FRMD4A: variants seen among roughly 807,000 people sequenced by gnomAD.
FRMD4A encodes FERM domain-containing protein 4A.
Under a neutral mutation model 129.1 loss-of-function variants are expected in FRMD4A, and 29 were observed. The ratio of observed to expected loss-of-function variants is 0.22; its 90% CI spans 0.17 to 0.31. The LOEUF is 0.31. Ranked by LOEUF, FRMD4A falls within the 10% of genes least tolerant of loss-of-function variation. The pLI is 1.00. For synonymous variants in FRMD4A, 634 were observed against 571.6 expected, an observed-to-expected ratio of 1.11 and a Z score of -1.56; for missense variants, 1,272 against 1,375.8, an observed-to-expected ratio of 0.92 and a Z score of 1.19.
chr10:14,020,149 T>A (rs561943594), intron 2 of FRMD4A, among the ~76,000 whole-genome samples: 2 of 152,330 alleles, frequency 1.3e-5, no homozygotes, highest in South Asian at 4.1e-4. Flanking sequence ...TTGGCATTGG[T>A]GCAGGATCCT....
chr10:14,306,505 G>T (rs770859579), intron 2 of FRMD4A, among the ~76,000 whole-genome samples: 1 of 152,144 alleles, frequency 6.6e-6, no homozygotes, highest in Non-Finnish European at 1.5e-5. Flanking sequence ...CTCGTTTCAA[G>T]GTTATAGACA....
Position 14,103,639 on chromosome 10 carries a change from T to C in FRMD4A, c.45+226419A>G, listed in dbSNP as rs570060065. ...TTATTATGTGAAGCTGAATGTAAAATGAACTGATATCATTAGTGTATTTAT... is the reference window on the plus strand; with the variant it reads ...TTATTATGTGAAGCTGAATGTAAAACGAACTGATATCATTAGTGTATTTAT... On this transcript the variant is annotated intron_variant, in intron 2 of 24. Coordinates refer to ENST00000357447, the MANE Select transcript of FRMD4A (RefSeq NM_018027.5). Among the ~76,000 whole-genome samples the C allele has an allele frequency of 1.4e-4, 22 of 152,332 alleles. No individual in the cohort carries two copies. In the South Asian group the frequency reaches 1.7e-3, roughly 11 times the overall value.
chr10:14,208,322 C>G (rs1842843577), intron 2 of FRMD4A, among the ~76,000 whole-genome samples: 1 of 152,178 alleles, frequency 6.6e-6, no homozygotes, highest in Admixed American at 6.5e-5. Context: ...GTGTGTTGTT[C>G]AGGGTGCCAA....
chr10:13,921,335 C>T (rs930138137), intron 2 of FRMD4A, among the ~76,000 whole-genome samples: 2 of 149,984 alleles, frequency 1.3e-5, no homozygotes, highest in African/African-American at 2.5e-5. Flanking sequence ...AATCATGACT[C>T]ACTGAAGACT....
intron 2 of FRMD4A, among the ~76,000 whole-genome samples, chr10:14,243,816 A>G (rs540485112): frequency 1.5e-5 from 2 of 133,758 alleles, no homozygotes; most frequent in South Asian, 5.6e-4. Flanking sequence ...TTTGTTATGT[A>G]TATATTACCA....
intron 4 of FRMD4A, among the ~76,000 whole-genome samples, chr10:13,799,823 G>A (rs997779348): frequency 2.0e-5 from 3 of 152,068 alleles, no homozygotes; most frequent in African/African-American, 7.2e-5. Context: ...CTTCTCCAGG[G>A]CTTCTGGTGT....
At chr10:13,986,237 G>A (rs1373430868) in intron 2 of FRMD4A, among the ~76,000 whole-genome samples, 2 of 151,642 alleles carry the variant, frequency 1.3e-5, no homozygotes, top group Admixed American at 6.6e-5. Flanking sequence ...GCAAAGACTT[G>A]GAACCAACCC....
intron 2 of FRMD4A, among the ~76,000 whole-genome samples, chr10:14,162,722 C>G (rs1268737613): frequency 7.0e-6 from 1 of 143,846 alleles, no homozygotes; most frequent in Non-Finnish European, 1.5e-5. Context: ...AACTGGATTC[C>G]TGTTGGGATT....
At chr10:14,191,468 C>T (rs1842314566) in intron 2 of FRMD4A, among the ~76,000 whole-genome samples, 1 of 152,182 alleles carries the variant, frequency 6.6e-6, no homozygotes, top group African/African-American at 2.4e-5. Context: ...AATAAAAGTC[C>T]TGTCTCATGA....
intron 2 of FRMD4A, among the ~76,000 whole-genome samples, chr10:13,932,277 C>T (rs1030141508): frequency 2.6e-5 from 4 of 152,170 alleles, no homozygotes; most frequent in Admixed American, 2.0e-4. Flanking sequence ...TGAATGAGTG[C>T]TTTAATGTTA....
chr10:14,054,256 G>A (rs751647674), intron 2 of FRMD4A, among the ~76,000 whole-genome samples: 1 of 152,090 alleles, frequency 6.6e-6, no homozygotes, highest in African/African-American at 2.4e-5. Context: ...CTTTGTCTCT[G>A]GCCTTTGTAT....
chr10:14,027,412 G>C (rs141626902), intron 2 of FRMD4A, among the ~76,000 whole-genome samples: 7 of 152,148 alleles, frequency 4.6e-5, no homozygotes. Flanking sequence ...AGGCCGAGGC[G>C]GGTGGACAGC....
chr10:13,741,064 T>G (rs2090972708), intron 9 of FRMD4A, among the ~76,000 whole-genome samples: 1 of 152,078 alleles, frequency 6.6e-6, no homozygotes, highest in Non-Finnish European at 1.5e-5. Context: ...TAACCTCAAG[T>G]GATCCACCCA....
chr10:13,668,383 G>T (rs749565333), intron 17 of FRMD4A: 1 of 152,198 alleles, frequency 6.6e-6, no homozygotes, highest in Non-Finnish European at 1.5e-5. Context: ...TTTGTGGGGA[G>T]CCCAGGACAA....
At chr10:14,256,196 G>GA (rs1450832288) in intron 2 of FRMD4A, among the ~76,000 whole-genome samples, 1 of 151,902 alleles carries the variant, frequency 6.6e-6, no homozygotes, top group Admixed American at 6.6e-5. Context: ...GGCAATAATT[G>GA]AAAAATATCT....
Position 13,782,914 on chromosome 10 carries a change from G to C in FRMD4A, c.384+8C>G. On this transcript the variant is annotated splice_region_variant and intron_variant, in intron 6 of 24. Transcript: ENST00000357447. ...TCAGAGGGAAATTGAGGGAGAGGGAGTTCCTACCTTGTAGATGCAGGACTT... is the reference window on the plus strand; with the variant it reads ...TCAGAGGGAAATTGAGGGAGAGGGACTTCCTACCTTGTAGATGCAGGACTT... 8.0e-7 allele frequency: 1 copy of C among 1,242,470 alleles called. No individual in the cohort carries two copies. Among genetic ancestry groups the C allele is most frequent in the Non-Finnish European group, 1.2e-6 (1 of 840,284 alleles). The allele number at this position is 1,242,470 out of a possible 1,614,324, so 77.0% of individuals were successfully genotyped here. A position where few individuals can be genotyped will look rare whatever the true frequency, so the allele number is the denominator to read the frequency against.
chr10:13,870,048 T>A (rs973153340), intron 2 of FRMD4A, among the ~76,000 whole-genome samples: 5 of 152,160 alleles, frequency 3.3e-5, no homozygotes, highest in Non-Finnish European at 7.3e-5. Flanking sequence ...GGGAAGGGAA[T>A]AGAGCCTAAT....
At chr10:14,095,594 C>T (rs763890465) in intron 2 of FRMD4A, among the ~76,000 whole-genome samples, 1 of 152,244 alleles carries the variant, frequency 6.6e-6, no homozygotes, top group Non-Finnish European at 1.5e-5. Flanking sequence ...TCAACCTTAG[C>T]ACTTTGCAGC....
intron 12 of FRMD4A, among the ~76,000 whole-genome samples, chr10:13,736,747 G>A (rs576502051): frequency 6.3e-4 from 96 of 152,328 alleles, no homozygotes; most frequent in African/African-American, 2.2e-3. Flanking sequence ...GCTAAAGCAA[G>A]TGTGGTTTTC....
Sources: gnomAD v4.1 joint callset for allele counts (sites outside exome capture counted in the v4.1 genomes callset) on GRCh38, gnomAD v4.1.1 for gene constraint, MANE v1.5 for transcripts, NCBI Gene and HGNC (gene_info 2026-07-23, HGNC 2026-07-21) for gene names.